EXT1: variants seen among roughly 807,000 people sequenced by gnomAD.
The protein encoded by EXT1 is exostosin-1.
In EXT1, 20 loss-of-function variants were observed where a neutral mutation model predicts 82.5. That is an observed-to-expected ratio of 0.24 (90% CI 0.17 to 0.35). EXT1 has a LOEUF of 0.35. Ranked by LOEUF, EXT1 falls within the 10% of genes least tolerant of loss-of-function variation. The pLI is 1.00. For missense variants in EXT1, 757 were observed against 936.5 expected, an observed-to-expected ratio of 0.81 and a Z score of 2.50; for synonymous variants, 348 against 350.8, an observed-to-expected ratio of 0.99 and a Z score of 0.09.
intron 1 of EXT1, among the ~76,000 whole-genome samples, chr8:117,972,560 A>G (rs1814964706): frequency 6.6e-6 from 1 of 152,228 alleles, no homozygotes; most frequent in African/African-American, 2.4e-5. Flanking sequence ...ACTCACGCAC[A>G]CATACTATGG....
At chr8:117,983,475 T>G (rs1031153070) in intron 1 of EXT1, among the ~76,000 whole-genome samples, 1 of 152,090 alleles carries the variant, frequency 6.6e-6, no homozygotes, top group African/African-American at 2.4e-5. Flanking sequence ...CAGACAGATA[T>G]CTTTTCTTAA....
At chr8:117,939,850 C>T (rs1395387420) in intron 1 of EXT1, among the ~76,000 whole-genome samples, 1 of 152,210 alleles carries the variant, frequency 6.6e-6, no homozygotes, top group Non-Finnish European at 1.5e-5. Flanking sequence ...ATCTTATTCA[C>T]TTTTGCCCTC....
chr8:117,931,551 C>A (rs770622335), intron 1 of EXT1, among the ~76,000 whole-genome samples: 1 of 152,014 alleles, frequency 6.6e-6, no homozygotes, highest in Non-Finnish European at 1.5e-5. Context: ...GGAAGCCAGA[C>A]ACCTAGGCGT....
At chr8:117,893,910 A>G (rs915358676) in intron 1 of EXT1, among the ~76,000 whole-genome samples, 2 of 152,144 alleles carry the variant, frequency 1.3e-5, no homozygotes, top group Admixed American at 1.3e-4. Flanking sequence ...TATCTCACCA[A>G]ATTCATCATC....
chr8:117,881,056 G>A (rs1299751143), intron 1 of EXT1, among the ~76,000 whole-genome samples: 3 of 152,150 alleles, frequency 2.0e-5, no homozygotes, highest in Non-Finnish European at 4.4e-5. Context: ...AAGCCATCTA[G>A]TAGAAATCAA....
chr8:117,919,564 G>C (rs1470162413), intron 1 of EXT1, among the ~76,000 whole-genome samples: 1 of 150,990 alleles, frequency 6.6e-6, no homozygotes, highest in African/African-American at 2.4e-5. Flanking sequence ...GAGTGCAGTG[G>C]TGCAAACACG....
rs1040338522 is a variant in EXT1, at chr8:117,862,908, T to C, written c.963-25707A>G. 1.4e-5 allele frequency among the ~76,000 whole-genome samples: 2 copies of C among 141,306 alleles called. 1 individual carries two copies. The highest frequency in any genetic ancestry group is 3.2e-5 in the Non-Finnish European group (2 of 63,036). 92.7% of individuals were successfully genotyped at this position (141,306 alleles called of 152,430 possible). On this transcript the variant is annotated intron_variant, in intron 1 of 10. Coordinates refer to ENST00000378204, the MANE Select transcript of EXT1 (RefSeq NM_000127.3). ...AATAATTCGGGAAGTGGAAAGCATG[T>C]ATGCAGAGCCCCAGGTTGCAACATT...
At chr8:117,931,691 C>A (rs924901841) in intron 1 of EXT1, among the ~76,000 whole-genome samples, 1 of 152,160 alleles carries the variant, frequency 6.6e-6, no homozygotes, top group Admixed American at 6.5e-5. Flanking sequence ...TGTCTGTTGC[C>A]GGACATGCTG....
At chr8:117,863,814 G>A (rs951388911) in intron 1 of EXT1, among the ~76,000 whole-genome samples, 1 of 152,080 alleles carries the variant, frequency 6.6e-6, no homozygotes, top group African/African-American at 2.4e-5. Context: ...CAGAACTAAC[G>A]TAGTTCTTTA....
At chr8:118,037,555 G>A (rs916835463) in intron 1 of EXT1, among the ~76,000 whole-genome samples, 2 of 152,082 alleles carry the variant, frequency 1.3e-5, no homozygotes, top group Admixed American at 1.3e-4. Flanking sequence ...AACTGAGAAA[G>A]AGAAATTAAT....
chr8:117,803,195 T>A (rs1403290530), intron 10 of EXT1, among the ~76,000 whole-genome samples: 1 of 152,134 alleles, frequency 6.6e-6, no homozygotes, highest in Admixed American at 6.6e-5. Flanking sequence ...TGTTTCTTTT[T>A]TCTTTTTCTT....
chr8:117,873,737 T>C (rs1427962699), intron 1 of EXT1, among the ~76,000 whole-genome samples: 1 of 152,124 alleles, frequency 6.6e-6, no homozygotes, highest in African/African-American at 2.4e-5. Flanking sequence ...ATTACAGGCA[T>C]GAGCCACCGC....
At chr8:117,909,871 G>A (rs1010307088) in intron 1 of EXT1, among the ~76,000 whole-genome samples, 2 of 152,044 alleles carry the variant, frequency 1.3e-5, no homozygotes, top group African/African-American at 4.8e-5. Flanking sequence ...AGGTTCAAGC[G>A]ATTCTCCTGC....
chr8:118,110,836 A>G lies in EXT1; in HGVS notation c.211T>C (p.Leu71=). Reference sequence around the variant, plus strand: ...TGCACGCTGGAATCCTCGTTTTCCAATTGATCCCAAGGAACGAAGGGGCGC... The same window carrying G: ...TGCACGCTGGAATCCTCGTTTTCCAGTTGATCCCAAGGAACGAAGGGGCGC... The part of the protein sequence containing the change: ...ALRPFVPWDQ[L]ENEDSSVHIS... The change falls in exon 1 of 11, where the codon TTG becomes CTG. Residue 71 remains leucine (L), a synonymous_variant. Transcript: ENST00000378204. The G allele has an allele frequency of 3.7e-6, 6 of 1,612,500 alleles. No individual in the cohort carries two copies. Among genetic ancestry groups the G allele is most frequent in the Non-Finnish European group, 5.1e-6 (6 of 1,178,854 alleles).
intron 7 of EXT1, among the ~76,000 whole-genome samples, chr8:117,814,364 G>A (rs1253384308): frequency 1.3e-5 from 2 of 152,016 alleles, no homozygotes; most frequent in Non-Finnish European, 2.9e-5. Context: ...ATGTACCATA[G>A]AGGAACTAAC....
chr8:117,943,266 G>A (rs1252700042), intron 1 of EXT1, among the ~76,000 whole-genome samples: 4 of 152,170 alleles, frequency 2.6e-5, no homozygotes, highest in African/African-American at 9.7e-5. Flanking sequence ...CAAACTGCTA[G>A]TAAGAAAATA....
intron 1 of EXT1, among the ~76,000 whole-genome samples, chr8:117,992,897 A>T (rs1394463824): frequency 1.3e-5 from 2 of 152,114 alleles, no homozygotes. Flanking sequence ...GAAAAACACC[A>T]CTTTTCACTA....
chr8:117,960,621 G>T (rs2129716022), intron 1 of EXT1, among the ~76,000 whole-genome samples: 1 of 152,250 alleles, frequency 6.6e-6, no homozygotes, highest in African/African-American at 2.4e-5. Context: ...CTTTCACCAT[G>T]CATAATAAAG....
At chr8:117,883,954 A>G (rs1813104941) in intron 1 of EXT1, among the ~76,000 whole-genome samples, 1 of 152,184 alleles carries the variant, frequency 6.6e-6, no homozygotes, top group South Asian at 2.1e-4. Flanking sequence ...CACATTTGTG[A>G]GCTTTTCACC....
Sources: gnomAD v4.1 joint callset for allele counts (sites outside exome capture counted in the v4.1 genomes callset) on GRCh38, gnomAD v4.1.1 for gene constraint, MANE v1.5 for transcripts, NCBI Gene and HGNC (gene_info 2026-07-23, HGNC 2026-07-21) for gene names.